Variants in RASA1 observed in about 807,000 individuals in gnomAD.
RASA1 encodes the protein RAS p21 protein activator 1.
RASA1 carries 25 observed loss-of-function variants against 132.2 expected under a neutral mutation model. The ratio of observed to expected loss-of-function variants is 0.19; its 90% CI spans 0.14 to 0.26. The LOEUF (loss-of-function observed/expected upper bound fraction) is 0.26. RASA1 is among the 10% of genes least tolerant of loss of function. The pLI, the probability that RASA1 is intolerant of heterozygous loss-of-function variation, is 1.00. For missense variants in RASA1, 964 were observed against 1,299.2 expected, an observed-to-expected ratio of 0.74 and a Z score of 3.97; for synonymous variants, 477 against 449.9, an observed-to-expected ratio of 1.06 and a Z score of -0.76.
chr5:87,299,040 A>C (rs1288035942), intron 1 of RASA1, among the ~76,000 whole-genome samples: 1 of 152,204 alleles, frequency 6.6e-6, no homozygotes, highest in Non-Finnish European at 1.5e-5. Flanking sequence ...TGGAACGCTA[A>C]GCATCTGGGA....
intron 1 of RASA1, among the ~76,000 whole-genome samples, chr5:87,322,331 C>T (rs933608481): frequency 1.4e-4 from 22 of 152,108 alleles, no homozygotes; most frequent in Admixed American, 1.4e-3. Flanking sequence ...TTCACAGGAG[C>T]GCAAACCCTA....
intron 1 of RASA1, among the ~76,000 whole-genome samples, chr5:87,285,915 G>A (rs540133630): frequency 2.0e-5 from 3 of 151,958 alleles, no homozygotes; most frequent in Non-Finnish European, 2.9e-5. Flanking sequence ...CACCGTGCCC[G>A]GCCAGTCGGT....
intron 2 of RASA1, 129 bp from the exon 3 acceptor site, chr5:87,332,378 T>TTTAGTA: frequency 1.1e-6 from 1 of 918,326 alleles, no homozygotes; most frequent in South Asian, 1.7e-5. Flanking sequence ...TAAGTGGTAT[T>TTTAGTA]TTAGTATAAG....
chr5:87,345,396 C>A (rs966865557), intron 6 of RASA1, among the ~76,000 whole-genome samples: 13 of 151,942 alleles, frequency 8.6e-5, no homozygotes, highest in Non-Finnish European at 1.8e-4. Context: ...AGAGGATTAG[C>A]CTTGGAGGTC....
At chr5:87,386,953 G>A in intron 23 of RASA1, 50 bp downstream of exon 23, 2 of 1,469,030 alleles carry the variant, frequency 1.4e-6, no homozygotes, top group Non-Finnish European at 1.9e-6. Context: ...AGTTGATATA[G>A]CTGAGTTAAC....
chr5:87,286,641 G>C lies in RASA1; in HGVS notation c.539+17651G>C, dbSNP rs772556308. Among the ~76,000 whole-genome samples, 216 of 151,860 alleles carry C rather than the reference G, an allele frequency of 1.4e-3. 1 individual carries two copies. Among genetic ancestry groups the C allele is most frequent in the Non-Finnish European group, 1.4e-3 (96 of 67,900 alleles). On this transcript the variant is annotated intron_variant, in intron 1 of 24. Coordinates refer to ENST00000274376, the MANE Select transcript of RASA1 (RefSeq NM_002890.3). The stretch of plus-strand genomic sequence containing the variant: ...TTGAATTTGAAACTCCCAGCAGTTT[G>C]AAAAATTGCTTTATTTTACTTTCAG...
At chr5:87,342,841 A>T (rs1445847164) in intron 6 of RASA1, among the ~76,000 whole-genome samples, 2 of 152,154 alleles carry the variant, frequency 1.3e-5, no homozygotes, top group African/African-American at 4.8e-5. Flanking sequence ...AGGTTTTTTT[A>T]TTTTAGATAA....
rs943137025 is a variant in RASA1, at chr5:87,350,726, A to C, written c.1253+1362A>C. Among the ~76,000 whole-genome samples the C allele has an allele frequency of 2.6e-5, 4 of 151,764 alleles. No individual in the cohort carries two copies. The South Asian group carries it at 6.2e-4, about 24-fold the overall frequency. ...TGTTTTCAAAATGAGGATTAAAAAA[A>C]AAAAGTTAAATGTATGTTAATTTAG... On this transcript the variant is annotated intron_variant, in intron 8 of 24. Coordinates refer to ENST00000274376, the MANE Select transcript of RASA1 (RefSeq NM_002890.3).
intron 9 of RASA1, among the ~76,000 whole-genome samples, chr5:87,361,797 G>T (rs148823586): frequency 1.3e-5 from 2 of 152,154 alleles, no homozygotes; most frequent in East Asian, 3.9e-4. Context: ...TTTCATCAGG[G>T]ATACATTAAG....
intron 24 of RASA1, among the ~76,000 whole-genome samples, chr5:87,389,771 T>C (rs1244473166): frequency 6.6e-6 from 1 of 152,208 alleles, no homozygotes; most frequent in Non-Finnish European, 1.5e-5. Flanking sequence ...TGGAAAACAG[T>C]GTAATAACAC....
chr5:87,353,959 A>AG (rs1382945835), intron 9 of RASA1, among the ~76,000 whole-genome samples: 3 of 152,106 alleles, frequency 2.0e-5, no homozygotes, highest in African/African-American at 7.2e-5. Flanking sequence ...CGGATTAATA[A>AG]TTTTCCTAAG....
At chr5:87,371,526 T>C (rs1760938376) in intron 12 of RASA1, among the ~76,000 whole-genome samples, 1 of 152,190 alleles carries the variant, frequency 6.6e-6, no homozygotes. Flanking sequence ...AAAATATGGC[T>C]GCAATTTGAT....
At chr5:87,390,460 G>A (rs1054694051) in intron 24 of RASA1, among the ~76,000 whole-genome samples, 12 of 149,310 alleles carry the variant, frequency 8.0e-5, no homozygotes. Context: ...CTAATAATAT[G>A]ACTTGACTTG....
At chr5:87,375,040 GT>G (rs1356330557) in intron 15 of RASA1, 124 bp downstream of exon 15, 1 of 1,255,016 alleles carries the variant, frequency 8.0e-7, no homozygotes, top group Non-Finnish European at 1.1e-6. Context: ...ATTTGAGATA[GT>G]TTCTTTCTGT....
Position 87,268,433 on chromosome 5 carries a change from G to C in RASA1, c.-19G>C. Reference sequence around the variant, plus strand: ...GCTCCCGGGCGGGCAGGGTAGGGCAGAGTAGAGCGGGCTTCAACATGATGG... The same window carrying C: ...GCTCCCGGGCGGGCAGGGTAGGGCACAGTAGAGCGGGCTTCAACATGATGG... On this transcript the variant is annotated 5_prime_UTR_variant, in exon 1 of 25. Transcript: ENST00000274376. 1 of 1,535,576 alleles carries C rather than the reference G, an allele frequency of 6.5e-7. No individual in the cohort carries two copies. The highest frequency in any genetic ancestry group is 8.8e-7 in the Non-Finnish European group (1 of 1,139,216).
intron 1 of RASA1, among the ~76,000 whole-genome samples, chr5:87,287,055 C>CGTA (rs1394037014): frequency 7.5e-6 from 1 of 133,558 alleles, no homozygotes; most frequent in Non-Finnish European, 1.6e-5. Context: ...ATATATATAC[C>CGTA]CCATGTATAT....
chr5:87,308,983 TAA>T (rs1561270052), intron 1 of RASA1, among the ~76,000 whole-genome samples: 1 of 152,112 alleles, frequency 6.6e-6, no homozygotes, highest in African/African-American at 2.4e-5. Context: ...TGCATAAGAT[TAA>T]GTTTTCTAAT....
intron 7 of RASA1, among the ~76,000 whole-genome samples, chr5:87,348,750 T>C (rs1759044731): frequency 6.6e-6 from 1 of 151,906 alleles, no homozygotes; most frequent in South Asian, 2.1e-4. Flanking sequence ...TGTACCACTG[T>C]GCCTAGCACA....
chr5:87,296,365 T>C (rs1755121091), intron 1 of RASA1, among the ~76,000 whole-genome samples: 1 of 152,190 alleles, frequency 6.6e-6, no homozygotes, highest in Non-Finnish European at 1.5e-5. Flanking sequence ...ACCTTTTAGC[T>C]GAATTAAAAA....
Sources: allele counts gnomAD v4.1 joint callset (sites outside exome capture counted in the v4.1 genomes callset), GRCh38; gene constraint gnomAD v4.1.1; transcripts MANE v1.5; gene names NCBI Gene and HGNC (gene_info 2026-07-23, HGNC 2026-07-21).